Variants in CSNK1A1L observed in about 807,000 individuals in gnomAD.
CSNK1A1L encodes the protein casein kinase 1 alpha 1 like, also known as casein kinase I isoform alpha-like.
CSNK1A1L carries 20 observed loss-of-function variants against 24.6 expected under a neutral mutation model. That is an observed-to-expected ratio of 0.81 (90% confidence interval 0.57 to 1.18). The LOEUF is 1.18. Ranked by LOEUF, CSNK1A1L falls within the 50% of genes most tolerant of loss-of-function variation. The pLI is 0.00. For missense variants in CSNK1A1L, 414 were observed against 419.0 expected (o/e 0.99, Z 0.10); for synonymous variants, 152 against 154.0 (o/e 0.99, Z 0.09).
At position 37,103,570 on chromosome 13, in the gene CSNK1A1L, G is replaced by GGTT. The variant is rs1237189468; in HGVS notation, c.*670_*672dup. On this transcript the variant is annotated 3_prime_UTR_variant, in exon 1 of 1. Coordinates refer to ENST00000379800, the MANE Select transcript of CSNK1A1L (RefSeq NM_145203.6). ...TTAACTAAATTTCTGTGACAAATAT[G>GGTT]GTTGTTGTTGTTTTTAAAATACCGA... 3 of 153,174 alleles carry GGTT rather than the reference G, an allele frequency of 2.0e-5. No homozygotes were observed. Among genetic ancestry groups the GGTT allele is most frequent in the East Asian group, 3.9e-4 (2 of 5,192 alleles). 9.5% of individuals were successfully genotyped at this position (153,174 alleles called of 1,614,324 possible). A position where few individuals can be genotyped will look rare whatever the true frequency, so the allele number is the denominator to read the frequency against.
Position 37,103,498 on chromosome 13 carries a change from G to A in CSNK1A1L, c.*745C>T, listed in dbSNP as rs1394648523. On this transcript the variant is annotated 3_prime_UTR_variant, in exon 1 of 1. Coordinates refer to ENST00000379800, the MANE Select transcript of CSNK1A1L (RefSeq NM_145203.6). ...CCCAGATCATATGGGTGTTTACGGTGATTACATTTATCTAAGCCATGTACA... is the reference window on the plus strand; with the variant it reads ...CCCAGATCATATGGGTGTTTACGGTAATTACATTTATCTAAGCCATGTACA... 2 of 152,554 alleles carry A rather than the reference G, an allele frequency of 1.3e-5. No homozygotes were observed. Among genetic ancestry groups the A allele is most frequent in the Non-Finnish European group, 2.9e-5 (2 of 68,044 alleles). 9.5% of individuals were successfully genotyped at this position (152,554 alleles called of 1,614,324 possible).
the CSNK1A1L span, chr13:37,105,220 CA>C: frequency 1.9e-5 from 30 of 1,614,036 alleles, no homozygotes; most frequent in Non-Finnish European, 2.3e-5. Flanking sequence ...TTCCCTCCCA[CA>C]ACGAGTTCGG....
Position 37,104,433 on chromosome 13 carries a change from A to G in CSNK1A1L, c.824T>C (p.Met275Thr), listed in dbSNP as rs757887483. ...GLRFEEVPDYMYLRQLFRILF... is the reference protein window; with the variant it reads ...GLRFEEVPDYTYLRQLFRILF... ...AATGCGGAATAGCTGCCTCAGATAC[A>G]TGTAATCTGGGACTTCCTCAAAGCG... Residue 275 changes from methionine (M) to threonine (T), a missense_variant, in exon 1 of 1, where the codon ATG (methionine) becomes ACG (threonine). Met to Thr is a moderately conservative substitution (Grantham distance 81). Coordinates refer to ENST00000379800, the MANE Select transcript of CSNK1A1L (RefSeq NM_145203.6). 4 of 1,614,078 alleles carry G rather than the reference A, an allele frequency of 2.5e-6. No homozygotes were observed. In the African/African-American group the frequency reaches 4.0e-5, roughly 16 times the overall value.
chr13:37,104,276 A>G lies in CSNK1A1L; in HGVS notation c.981T>C (p.Thr327=). 1 of 1,613,904 alleles carries G rather than the reference A, an allele frequency of 6.2e-7. No individual in the cohort carries two copies. Among genetic ancestry groups the G allele is most frequent in the South Asian group, 1.1e-5 (1 of 91,074 alleles). ...QQAQTQTGKQ[T]EKNKNNVKDN ...CTTTCACATTATTCTTGTTTTTTTC[A>G]GTTTGCTTGCCTGTCTGGGTTTGGG... Residue 327 remains threonine, a synonymous_variant, in exon 1 of 1, where the codon ACT becomes ACC. Coordinates refer to ENST00000379800, the MANE Select transcript of CSNK1A1L (RefSeq NM_145203.6).
rs748869443 is a variant in CSNK1A1L, at chr13:37,105,166, C to T, written c.91G>A (p.Val31Ile). 1.9e-6 allele frequency: 3 copies of T among 1,613,994 alleles called. No individual in the cohort carries two copies. Among genetic ancestry groups the T allele is most frequent in the African/African-American group, 2.7e-5 (2 of 74,904 alleles). The part of the protein sequence containing the change: ...RKIGSGSFGD[V>I]YLGITTTNGE... ...TTGGTGGTGGTGATGCCCAGATAAACGTCTCCAAAGGAGCCAGACCCGATC... is the reference window on the plus strand; with the variant it reads ...TTGGTGGTGGTGATGCCCAGATAAATGTCTCCAAAGGAGCCAGACCCGATC... The change falls in exon 1 of 1, where the codon GTT (valine) becomes ATT (isoleucine). Residue 31 changes from valine to isoleucine, a missense_variant. Transcript: ENST00000379800.
In CSNK1A1L at chr13:37,104,879, G is replaced by A. The variant is rs766493246; in HGVS notation, c.378C>T (p.Tyr126=). The change falls in exon 1 of 1, where the codon TAC becomes TAT. Residue 126 remains tyrosine, a synonymous_variant. Transcript: ENST00000379800. ...LADQMISRIE[Y]VHTKNFLHRD... ...GGTGTAGAAAATTCTTTGTATGCACGTATTCAATTCTGCTGATCATCTGGT... is the reference window on the plus strand; with the variant it reads ...GGTGTAGAAAATTCTTTGTATGCACATATTCAATTCTGCTGATCATCTGGT... The A allele has an allele frequency of 4.3e-6, 7 of 1,613,844 alleles. No individual in the cohort carries two copies. In the East Asian group the frequency reaches 8.9e-5, roughly 21 times the overall value.
rs528544263 is a variant in CSNK1A1L, at chr13:37,103,542, A to C, written c.*701T>G. On this transcript the variant is annotated 3_prime_UTR_variant, in exon 1 of 1. Transcript: ENST00000379800. ...ATGTACATACATGTTCAGTTGTAAG[A>C]TGTTAACTAAATTTCTGTGACAAAT... 1.3e-5 allele frequency: 2 copies of C among 153,402 alleles called. No individual in the cohort carries two copies. The highest frequency in any genetic ancestry group is 3.9e-4 in the East Asian group (2 of 5,194). The allele number at this position is 153,402 out of a possible 1,614,324, so 9.5% of individuals were successfully genotyped here. A position where few individuals can be genotyped will look rare whatever the true frequency, so the allele number is the denominator to read the frequency against.
Position 37,104,647 on chromosome 13 carries a change from T to G in CSNK1A1L, c.610A>C (p.Met204Leu). Residue 204 changes from methionine to leucine, a missense_variant, in exon 1 of 1, where the codon ATG becomes CTG. Coordinates refer to ENST00000379800, the MANE Select transcript of CSNK1A1L (RefSeq NM_145203.6). ...LGIEQSRRDD[M>L]ESLGYVFMYF... Reference sequence around the variant, plus strand: ...ATGAAAACGTAGCCTAAGGATTCCATGTCATCTCGGCGGCTCTGCTCAATA... The same window carrying G: ...ATGAAAACGTAGCCTAAGGATTCCAGGTCATCTCGGCGGCTCTGCTCAATA... The G allele has an allele frequency of 6.2e-7, 1 of 1,614,196 alleles. No individual in the cohort carries two copies. Among genetic ancestry groups the G allele is most frequent in the South Asian group, 1.1e-5 (1 of 91,084 alleles).
Position 37,104,303 on chromosome 13 carries a change from C to T in CSNK1A1L, c.954G>A (p.Gln318=), listed in dbSNP as rs760983718. ...QAASSSGQGQ[Q]AQTQTGKQTE... is the part of the protein sequence containing the mutation. ...TTTGCTTGCCTGTCTGGGTTTGGGC[C>T]TGCTGACCCTGCCCACTGGAAGAGG... The change falls in exon 1 of 1, where the codon CAG becomes CAA. Residue 318 remains glutamine, a synonymous_variant. Transcript: ENST00000379800. The T allele has an allele frequency of 5.6e-6, 9 of 1,614,026 alleles. No individual in the cohort carries two copies. Among genetic ancestry groups the T allele is most frequent in the Middle Eastern group, 1.6e-4 (1 of 6,084 alleles).
chr13:37,104,961 T>A lies in CSNK1A1L; in HGVS notation c.296A>T (p.Asp99Val). ...CCTTCTTGAACAGAAATTAAAGAGG[T>A]CTTCGAGGCTGGGTCCCAGAAGGTC... ...VMDLLGPSLE[D>V]LFNFCSRRFT... The change falls in exon 1 of 1, where the codon GAC (aspartate) becomes GTC (valine). Residue 99 changes from aspartate (D) to valine (V), a missense_variant. Coordinates refer to ENST00000379800, the MANE Select transcript of CSNK1A1L (RefSeq NM_145203.6). 6.2e-7 allele frequency: 1 copy of A among 1,613,948 alleles called. No homozygotes were observed. The highest frequency in any genetic ancestry group is 1.3e-5 in the African/African-American group (1 of 74,940).
chr13:37,104,734 A>G lies in CSNK1A1L; in HGVS notation c.523T>C (p.Tyr175His), dbSNP rs772851119. The stretch of plus-strand genomic sequence containing the variant: ...CCAATGAGGTGTTTATCTTCTCTGT[A>G]CGGTATGTGTTGCCTGGTCCTGTTG... ...RDNRTRQHIP[Y>H]REDKHLIGTV... is the part of the protein sequence containing the mutation. The change falls in exon 1 of 1, where the codon TAC (tyrosine) becomes CAC (histidine). Residue 175 changes from tyrosine (Y) to histidine (H), a missense_variant. Transcript: ENST00000379800. The G allele has an allele frequency of 5.6e-6, 9 of 1,613,912 alleles. No homozygotes were observed. In the South Asian group the frequency reaches 9.9e-5, roughly 18 times the overall value.
chr13:37,104,311 C>T lies in CSNK1A1L; in HGVS notation c.946G>A (p.Gly316Ser). The T allele has an allele frequency of 6.2e-7, 1 of 1,614,142 alleles. No homozygotes were observed. Among genetic ancestry groups the T allele is most frequent in the Non-Finnish European group, 8.5e-7 (1 of 1,180,034 alleles). Residue 316 changes from glycine to serine, a missense_variant, in exon 1 of 1, where the codon GGT becomes AGT. By Grantham distance (56) the Gly-to-Ser change is moderately conservative. Coordinates refer to ENST00000379800, the MANE Select transcript of CSNK1A1L (RefSeq NM_145203.6). ...CCTGTCTGGGTTTGGGCCTGCTGAC[C>T]CTGCCCACTGGAAGAGGCTGCCTGC... is the stretch of plus-strand genomic sequence containing the variant. Reference protein sequence around the residue: ...AQQAASSSGQGQQAQTQTGKQ... With the variant: ...AQQAASSSGQSQQAQTQTGKQ...
In CSNK1A1L at chr13:37,104,723, A is replaced by G. The variant is rs746157130; in HGVS notation, c.534T>C (p.Asp178=). 1.9e-6 allele frequency: 3 copies of G among 1,613,994 alleles called. No homozygotes were observed. In the East Asian group the frequency reaches 6.7e-5, roughly 36 times the overall value. The change falls in exon 1 of 1, where the codon GAT becomes GAC. Residue 178 remains aspartate, a synonymous_variant. Coordinates refer to ENST00000379800, the MANE Select transcript of CSNK1A1L (RefSeq NM_145203.6). ...RTRQHIPYRE[D]KHLIGTVRYA... ...ATCGGACAGTGCCAATGAGGTGTTT[A>G]TCTTCTCTGTACGGTATGTGTTGCC...
In CSNK1A1L at chr13:37,103,749, A is replaced by C. The variant is rs925878857; in HGVS notation, c.*494T>G. On this transcript the variant is annotated 3_prime_UTR_variant, in exon 1 of 1. Coordinates refer to ENST00000379800, the MANE Select transcript of CSNK1A1L (RefSeq NM_145203.6). ...TCAGCTGGCTTACAGACAAGAAGCC[A>C]ACCATTTTAAGAATGCTCTTTATGT... 1 of 166,032 alleles carries C rather than the reference A, an allele frequency of 6.0e-6. No individual in the cohort carries two copies. Among genetic ancestry groups the C allele is most frequent in the Admixed American group, 5.6e-5 (1 of 17,772 alleles). The allele number at this position is 166,032 out of a possible 1,614,324, so 10.3% of individuals were successfully genotyped here. A position where few individuals can be genotyped will look rare whatever the true frequency, so the allele number is the denominator to read the frequency against.
chr13:37,104,797 A>G lies in CSNK1A1L; in HGVS notation c.460T>C (p.Phe154Leu), dbSNP rs1203239463. 1 of 1,613,110 alleles carries G rather than the reference A, an allele frequency of 6.2e-7. No homozygotes were observed. Among genetic ancestry groups the G allele is most frequent in the Non-Finnish European group, 8.5e-7 (1 of 1,179,926 alleles). ...MGTGRHCNKL[F>L]LIDFGLAKKY... is the part of the protein sequence containing the mutation. Reference sequence around the variant, plus strand: ...TTGGCCAAACCAAAATCAATAAGGAACAACTTATTACAGTGACGCCCAGTA... The same window carrying G: ...TTGGCCAAACCAAAATCAATAAGGAGCAACTTATTACAGTGACGCCCAGTA... Residue 154 changes from phenylalanine to leucine, a missense_variant, in exon 1 of 1, where the codon TTC (phenylalanine) becomes CTC (leucine). Transcript: ENST00000379800.
In CSNK1A1L at chr13:37,104,673, C is replaced by G; in HGVS notation, c.584G>C (p.Gly195Ala). The G allele has an allele frequency of 6.2e-7, 1 of 1,614,074 alleles. No individual in the cohort carries two copies. Among genetic ancestry groups the G allele is most frequent in the Non-Finnish European group, 8.5e-7 (1 of 1,180,034 alleles). ...GTCATCTCGGCGGCTCTGCTCAATA[C>G]CAAGATGTGCATTGATGCTGGCATA... ...VRYASINAHL[G>A]IEQSRRDDME... The change falls in exon 1 of 1, where the codon GGT (glycine) becomes GCT (alanine). Residue 195 changes from glycine (G) to alanine (A), a missense_variant. Physicochemically the swap from Gly to Ala is moderately conservative, Grantham distance 60. Transcript: ENST00000379800.
rs771196850 is a variant in CSNK1A1L at position 37,104,503 on chromosome 13, A to G, written c.754T>C (p.Phe252Leu). 6.8e-6 allele frequency: 11 copies of G among 1,613,412 alleles called. No individual in the cohort carries two copies. In the African/African-American group the frequency reaches 1.5e-4, roughly 22 times the overall value. The change falls in exon 1 of 1, where the codon TTT becomes CTT. Residue 252 changes from phenylalanine to leucine, a missense_variant. By Grantham distance (22) the Phe-to-Leu change is conservative. Transcript: ENST00000379800. ...AAGTACATGGCGAATTCTGCAGGAA[A>G]CCCCTTACATAAAACTTCAACAGGG... ...STPVEVLCKG[F>L]PAEFAMYLNY...
chr13:37,104,466 C>T lies in CSNK1A1L; in HGVS notation c.791G>A (p.Arg264His), dbSNP rs1405552303. Residue 264 changes from arginine (R) to histidine (H), a missense_variant, in exon 1 of 1, where the codon CGT becomes CAT. Coordinates refer to ENST00000379800, the MANE Select transcript of CSNK1A1L (RefSeq NM_145203.6). ...TGGGACTTCCTCAAAGCGCAGCCCACGACAGTAGTTCAAGTACATGGCGAA... is the reference window on the plus strand; with the variant it reads ...TGGGACTTCCTCAAAGCGCAGCCCATGACAGTAGTTCAAGTACATGGCGAA... Reference protein sequence around the residue: ...AEFAMYLNYCRGLRFEEVPDY... With the variant: ...AEFAMYLNYCHGLRFEEVPDY... 3.1e-6 allele frequency: 5 copies of T among 1,614,160 alleles called. No individual in the cohort carries two copies. Among genetic ancestry groups the T allele is most frequent in the Admixed American group, 3.3e-5 (2 of 60,012 alleles).
rs2139727287 is a variant in CSNK1A1L, at chr13:37,104,674, C to T, written c.583G>A (p.Gly195Ser). 6.2e-7 allele frequency: 1 copy of T among 1,614,002 alleles called. No individual in the cohort carries two copies. The highest frequency in any genetic ancestry group is 8.5e-7 in the Non-Finnish European group (1 of 1,180,000). Reference sequence around the variant, plus strand: ...TCATCTCGGCGGCTCTGCTCAATACCAAGATGTGCATTGATGCTGGCATAT... The same window carrying T: ...TCATCTCGGCGGCTCTGCTCAATACTAAGATGTGCATTGATGCTGGCATAT... ...VRYASINAHL[G>S]IEQSRRDDME... Residue 195 changes from glycine (G) to serine (S), a missense_variant, in exon 1 of 1, where the codon GGT (glycine) becomes AGT (serine). Physicochemically the swap from Gly to Ser is moderately conservative, Grantham distance 56. Transcript: ENST00000379800.
Sources: gnomAD v4.1 joint callset for allele counts on GRCh38, gnomAD v4.1.1 for gene constraint, MANE v1.5 for transcripts, NCBI Gene and HGNC (gene_info 2026-07-23, HGNC 2026-07-21) for gene names.